PARD3: variants seen among roughly 807,000 people sequenced by gnomAD.
The protein encoded by PARD3 is par-3 family cell polarity regulator.
PARD3 carries 75 observed loss-of-function variants against 155.4 expected under a neutral mutation model. The observed-to-expected ratio is 0.48, with a 90% CI of 0.40 to 0.58. The LOEUF (loss-of-function observed/expected upper bound fraction) is 0.58. Ranked by LOEUF, PARD3 falls within the 20% of genes least tolerant of loss-of-function variation. The probability of loss-of-function intolerance (pLI) is 0.00; values close to 1 mark genes in which losing one functional copy is unlikely to be tolerated. For synonymous variants in PARD3, 576 were observed against 610.5 expected, an observed-to-expected ratio of 0.94 and a Z score of 0.83; for missense variants, 1,642 against 1,721.7, an observed-to-expected ratio of 0.95 and a Z score of 0.82.
At chr10:34,266,380 A>G (rs1955308812) in intron 22 of PARD3, among the ~76,000 whole-genome samples, 1 of 152,232 alleles carries the variant, frequency 6.6e-6, no homozygotes, top group South Asian at 2.1e-4. Flanking sequence ...CTTTACAGGT[A>G]TGATAATTCC....
chr10:34,345,320 C>T (rs1837294479), intron 15 of PARD3: 3 of 985,250 alleles, frequency 3.0e-6, no homozygotes, highest in Admixed American at 6.2e-5. Flanking sequence ...AGGAATGCAT[C>T]ACAAAGCCTC....
At chr10:34,660,487 T>TGCA (rs923294971) in intron 2 of PARD3, among the ~76,000 whole-genome samples, 4 of 152,160 alleles carry the variant, frequency 2.6e-5, no homozygotes, top group African/African-American at 9.7e-5. Context: ...TATGTCACTG[T>TGCA]GCACGGGGCT....
At chr10:34,573,286 G>T (rs2086582028) in intron 2 of PARD3, among the ~76,000 whole-genome samples, 1 of 152,206 alleles carries the variant, frequency 6.6e-6, no homozygotes, top group Admixed American at 6.5e-5. Flanking sequence ...AGCCCAGGAG[G>T]TTGAGGCTGT....
intron 5 of PARD3, among the ~76,000 whole-genome samples, chr10:34,403,839 G>A (rs1214671151): frequency 6.6e-6 from 1 of 152,188 alleles, no homozygotes; most frequent in East Asian, 1.9e-4. Context: ...AGGAAGGAGA[G>A]CAAATGTGAT....
intron 7 of PARD3, among the ~76,000 whole-genome samples, chr10:34,395,566 G>T (rs1038243441): frequency 3.3e-5 from 1 of 30,322 alleles, no homozygotes; most frequent in Non-Finnish European, 5.3e-5. Context: ...GGCCGGGCGC[G>T]GTGGCTCACG....
At chr10:34,684,822 CACACACACATAT>C (rs1187014574) in intron 2 of PARD3, among the ~76,000 whole-genome samples, 3 of 109,826 alleles carry the variant, frequency 2.7e-5, no homozygotes, top group Admixed American at 8.9e-5. Context: ...CACACACACA[CACACACACATAT>C]ATACACACAC....
intron 2 of PARD3, among the ~76,000 whole-genome samples, chr10:34,687,814 A>ACTCCACAT (rs2093975768): frequency 7.8e-6 from 1 of 127,744 alleles, no homozygotes; most frequent in Non-Finnish European, 1.6e-5. Flanking sequence ...CCACCTACTG[A>ACTCCACAT]CTCCACATGC....
intron 1 of PARD3, among the ~76,000 whole-genome samples, chr10:34,750,450 TTCTC>T (rs1356081967): frequency 5.0e-5 from 6 of 120,492 alleles, no homozygotes; most frequent in South Asian, 2.9e-4. Context: ...TACATCCTCT[TTCTC>T]TCTTTCAAAC....
At chr10:34,264,747 ATT>A (rs71523323) in intron 22 of PARD3, among the ~76,000 whole-genome samples, 60,025 of 145,214 alleles carry the variant, frequency 0.41, 12,925 homozygotes, top group Middle Eastern at 0.56. Context: ...AAAAACTGGG[ATT>A]TTTTTTTTTT....
chr10:34,204,747 C>T (rs1044675592), intron 22 of PARD3, among the ~76,000 whole-genome samples: 1 of 152,184 alleles, frequency 6.6e-6, no homozygotes, highest in African/African-American at 2.4e-5. Context: ...AATCATCTTT[C>T]TTGATGTAAA....
At chr10:34,432,041 CAAAAAAAA>C (rs142848273) in intron 5 of PARD3, among the ~76,000 whole-genome samples, 82 of 21,586 alleles carry the variant, frequency 3.8e-3, no homozygotes, top group African/African-American at 6.2e-3. Flanking sequence ...GACTCTGTCT[CAAAAAAAA>C]AAAAAAAAAA....
chr10:34,775,864 A>C (rs939264048), intron 1 of PARD3, among the ~76,000 whole-genome samples: 1 of 152,200 alleles, frequency 6.6e-6, no homozygotes, highest in Admixed American at 6.5e-5. Context: ...CCTCTGAAAA[A>C]GCAATAAGCA....
intron 19 of PARD3, among the ~76,000 whole-genome samples, chr10:34,320,036 A>G (rs546244797): frequency 1.9e-3 from 282 of 152,288 alleles, no homozygotes; most frequent in Non-Finnish European, 3.7e-3. Flanking sequence ...TTCTCATATG[A>G]TATCACATAC....
At position 34,727,271 on chromosome 10, in the gene PARD3, A is replaced by C. The variant is rs867082864; in HGVS notation, c.121-30852T>G. On this transcript the variant is annotated intron_variant, in intron 1 of 24. Coordinates refer to ENST00000374788, the MANE Select transcript of PARD3 (RefSeq NM_001184785.2). ...GAACCCTATCTAAGGAACAGCTGCC[A>C]CTGGCGGCATACAAGCTTGCTCTGG... Among the ~76,000 whole-genome samples, 8 of 152,322 alleles carry C rather than the reference A, an allele frequency of 5.3e-5. No homozygotes were observed. The Middle Eastern group carries it at 0.02, about 389-fold the overall frequency.
chr10:34,189,151 G>C (rs1477121457), intron 22 of PARD3, among the ~76,000 whole-genome samples: 2 of 152,034 alleles, frequency 1.3e-5, no homozygotes, highest in Non-Finnish European at 2.9e-5. Context: ...GGGCAACATA[G>C]AAAGACCCTG....
chr10:34,292,935 T>C (rs1956745315), intron 20 of PARD3, among the ~76,000 whole-genome samples: 1 of 151,900 alleles, frequency 6.6e-6, no homozygotes, highest in Admixed American at 6.6e-5. Flanking sequence ...TAGAACCATA[T>C]GGAACAAGGA....
intron 15 of PARD3, chr10:34,344,280 GTTTTTT>G (rs34595794): frequency 3.1e-5 from 27 of 873,368 alleles, no homozygotes; most frequent in South Asian, 5.4e-5. Context: ...GTTTGTTTTT[GTTTTTT>G]TTTTTTTTTT....
chr10:34,332,467 GTCA>G (rs1835718316), intron 18 of PARD3, among the ~76,000 whole-genome samples: 1 of 152,080 alleles, frequency 6.6e-6, no homozygotes, highest in South Asian at 2.1e-4. Flanking sequence ...TCTGCATGGG[GTCA>G]TCAGCCCATA....
At chr10:34,342,112 A>G (rs1836892336) in intron 15 of PARD3, among the ~76,000 whole-genome samples, 1 of 152,224 alleles carries the variant, frequency 6.6e-6, no homozygotes, top group African/African-American at 2.4e-5. Flanking sequence ...TTATAATGTG[A>G]AAATGCTACA....
Sources: gnomAD v4.1 joint callset for allele counts (sites outside exome capture counted in the v4.1 genomes callset) on GRCh38, gnomAD v4.1.1 for gene constraint, MANE v1.5 for transcripts, NCBI Gene and HGNC (gene_info 2026-07-23, HGNC 2026-07-21) for gene names.